CAST: variants seen among roughly 807,000 people sequenced by gnomAD.
The protein encoded by CAST is calpastatin, also known as MIR583 host.
A neutral mutation model predicts 119.6 loss-of-function variants in CAST; 76 were observed. The ratio of observed to expected loss-of-function variants is 0.64; its 90% CI spans 0.53 to 0.77. CAST has a LOEUF of 0.77. CAST is among the 30% of genes least tolerant of loss of function. CAST has a pLI of 0.00. For missense variants in CAST, 953 were observed against 946.5 expected, an observed-to-expected ratio of 1.01 and a Z score of -0.09; for synonymous variants, 319 against 331.6, an observed-to-expected ratio of 0.96 and a Z score of 0.41.
At chr5:96,498,609 G>A in the CAST span, among the ~76,000 whole-genome samples, 25,925 of 152,122 alleles carry the variant, frequency 0.17, 2,805 homozygotes, top group African/African-American at 0.3. Context: ...GTAGCAGTGT[G>A]TAATAAAATA....
chr5:96,586,165 G>A (rs185000081), intron 1 of CAST, among the ~76,000 whole-genome samples: 1 of 152,190 alleles, frequency 6.6e-6, no homozygotes, highest in Non-Finnish European at 1.5e-5. Flanking sequence ...GCTCTATGAA[G>A]TTAATTATCT....
chr5:95,982,270 C>T, the CAST span, among the ~76,000 whole-genome samples: 2 of 152,096 alleles, frequency 1.3e-5, no homozygotes, highest in South Asian at 2.1e-4. Context: ...CTGTTAACTA[C>T]AGACCTGATT....
chr5:96,420,803 G>A, the CAST span, among the ~76,000 whole-genome samples: 1 of 151,784 alleles, frequency 6.6e-6, no homozygotes. Flanking sequence ...GAGAGAGAGA[G>A]AGAGAGACAG....
the CAST span, among the ~76,000 whole-genome samples, chr5:96,206,872 T>C: frequency 6.6e-6 from 1 of 152,170 alleles, no homozygotes; most frequent in Admixed American, 6.6e-5. Context: ...AGGAATAGCA[T>C]TGAATCTGTA....
At chr5:96,066,364 T>C in the CAST span, among the ~76,000 whole-genome samples, 1 of 151,724 alleles carries the variant, frequency 6.6e-6, no homozygotes. Flanking sequence ...TTCCCACTGC[T>C]TGCTATTTGA....
chr5:96,155,619 AC>A, the CAST span, among the ~76,000 whole-genome samples: 1 of 152,016 alleles, frequency 6.6e-6, no homozygotes, highest in African/African-American at 2.4e-5. Context: ...TCACCAGGGG[AC>A]CCACTGCATT....
chr5:96,286,388 T>G, the CAST span, among the ~76,000 whole-genome samples: 3 of 152,170 alleles, frequency 2.0e-5, no homozygotes, highest in African/African-American at 7.2e-5. Context: ...GGATGGAAGC[T>G]GCAAACAATT....
the CAST span, among the ~76,000 whole-genome samples, chr5:96,369,631 C>T: frequency 6.6e-6 from 1 of 152,108 alleles, no homozygotes; most frequent in Admixed American, 6.5e-5. Flanking sequence ...CTTTTAATCT[C>T]CTTTCTGATA....
At chr5:96,373,976 A>G in the CAST span, among the ~76,000 whole-genome samples, 1 of 152,132 alleles carries the variant, frequency 6.6e-6, no homozygotes, top group Non-Finnish European at 1.5e-5. Context: ...GTTTTTGCTG[A>G]AAGACGTGAT....
intron 1 of CAST, chr5:96,530,010 C>T (rs1411497613): frequency 3.5e-5 from 7 of 197,442 alleles, no homozygotes; most frequent in South Asian, 6.7e-5. Context: ...TCCAGCACCA[C>T]GCTAGTGTTG....
chr5:96,125,760 C>T, the CAST span, among the ~76,000 whole-genome samples: 18 of 152,090 alleles, frequency 1.2e-4, no homozygotes, highest in African/African-American at 4.3e-4. Flanking sequence ...GCCATCTGCT[C>T]AACTTTTCCA....
At chr5:96,621,969 C>CTTTTTTT (rs35728460) in intron 1 of CAST, among the ~76,000 whole-genome samples, 2 of 113,702 alleles carry the variant, frequency 1.8e-5, no homozygotes, top group Non-Finnish European at 3.4e-5. Context: ...CTTTTTTTCT[C>CTTTTTTT]TTTTTTTTTT....
At chr5:96,201,051 T>G in the CAST span, among the ~76,000 whole-genome samples, 1 of 152,154 alleles carries the variant, frequency 6.6e-6, no homozygotes, top group Admixed American at 6.6e-5. Context: ...TAGGCAGATA[T>G]CCAAAGTATT....
chr5:96,302,345 T>G, the CAST span, among the ~76,000 whole-genome samples: 1 of 152,194 alleles, frequency 6.6e-6, no homozygotes, highest in Non-Finnish European at 1.5e-5. Context: ...CACAAAGGTC[T>G]CTGTAACACC....
At chr5:96,734,038 A>T (rs1761145861) in intron 9 of CAST, among the ~76,000 whole-genome samples, 1 of 152,168 alleles carries the variant, frequency 6.6e-6, no homozygotes, top group Non-Finnish European at 1.5e-5. Context: ...TTTGGTGAGG[A>T]ATGAAGGGAT....
At chr5:96,284,646 G>A in the CAST span, among the ~76,000 whole-genome samples, 1 of 152,058 alleles carries the variant, frequency 6.6e-6, no homozygotes, top group Non-Finnish European at 1.5e-5. Context: ...TGTAAAAAGG[G>A]CTCAATAAAT....
the CAST span, among the ~76,000 whole-genome samples, chr5:96,471,903 G>A: frequency 6.6e-6 from 1 of 151,942 alleles, no homozygotes; most frequent in African/African-American, 2.4e-5. Context: ...GCTCATGCCA[G>A]CCTTTATCTG....
chr5:96,050,143 T>G, the CAST span: 2 of 152,340 alleles, frequency 1.3e-5, no homozygotes, highest in Admixed American at 6.6e-5. Context: ...CAGAAACCCT[T>G]GAGTCTGGAG....
At chr5:96,569,236 A>G (rs1395405146) in intron 1 of CAST, among the ~76,000 whole-genome samples, 2 of 152,186 alleles carry the variant, frequency 1.3e-5, no homozygotes, top group African/African-American at 2.4e-5. Flanking sequence ...GAGACCTCCC[A>G]CTCATGGGTC....
Sources: allele counts gnomAD v4.1 joint callset (sites outside exome capture counted in the v4.1 genomes callset), GRCh38; gene constraint gnomAD v4.1.1; transcripts MANE v1.5; gene names NCBI Gene and HGNC (gene_info 2026-07-23, HGNC 2026-07-21).